CTNNA2: variants seen among roughly 807,000 people sequenced by gnomAD.
CTNNA2 encodes catenin alpha 2, also known as catenin alpha-2.
CTNNA2 carries 42 observed loss-of-function variants against 101.0 expected under a neutral mutation model. The ratio of observed to expected loss-of-function variants is 0.42; its 90% CI spans 0.32 to 0.54. The LOEUF (loss-of-function observed/expected upper bound fraction) is 0.54. Ranked by LOEUF, CTNNA2 falls within the 20% of genes least tolerant of loss-of-function variation. CTNNA2 has a pLI of 0.14. For missense variants in CTNNA2, 871 were observed against 1,223.1 expected (o/e 0.71, Z 4.29); for synonymous variants, 450 against 456.4 (o/e 0.99, Z 0.18).
chr2:80,357,767 T>G (rs1210234390), intron 7 of CTNNA2, among the ~76,000 whole-genome samples: 1 of 152,116 alleles, frequency 6.6e-6, no homozygotes, highest in African/African-American at 2.4e-5. Flanking sequence ...TTGGGCAAAT[T>G]TATAACCTAT....
At chr2:79,489,085 T>C (rs1208313116) in intron 4 of CTNNA2, among the ~76,000 whole-genome samples, 3 of 152,210 alleles carry the variant, frequency 2.0e-5, no homozygotes, top group African/African-American at 7.2e-5. Flanking sequence ...GTATTGCTCC[T>C]ACTGCTTCTA....
At chr2:79,769,485 A>G (rs1253421258) in intron 3 of CTNNA2, among the ~76,000 whole-genome samples, 2 of 152,222 alleles carry the variant, frequency 1.3e-5, no homozygotes, top group Non-Finnish European at 2.9e-5. Context: ...CACGTAGATT[A>G]CATCTCCAGA....
At chr2:79,701,192 C>T (rs1170760752) in intron 2 of CTNNA2, among the ~76,000 whole-genome samples, 3 of 152,092 alleles carry the variant, frequency 2.0e-5, no homozygotes, top group African/African-American at 7.2e-5. Context: ...TCTTATGAAA[C>T]AGTGCCACTT....
intron 7 of CTNNA2, among the ~76,000 whole-genome samples, chr2:80,115,462 G>A (rs1005819884): frequency 5.9e-5 from 9 of 152,204 alleles, no homozygotes; most frequent in South Asian, 2.1e-4. Context: ...GGCTCTCAAG[G>A]AGCTGATAAT....
At chr2:80,571,620 C>G (rs1207568050) in intron 12 of CTNNA2, among the ~76,000 whole-genome samples, 14 of 152,142 alleles carry the variant, frequency 9.2e-5, no homozygotes, top group Admixed American at 9.2e-4. Context: ...AAATTTTTCA[C>G]AAACGATGTT....
chr2:79,974,372 G>A (rs1206222711), intron 7 of CTNNA2, among the ~76,000 whole-genome samples: 1 of 152,114 alleles, frequency 6.6e-6, no homozygotes, highest in Non-Finnish European at 1.5e-5. Context: ...TAGCGAGAAG[G>A]TTCAACACGT....
chr2:79,313,962 C>T (rs1006607321), intron 3 of CTNNA2, among the ~76,000 whole-genome samples: 15 of 152,148 alleles, frequency 9.9e-5, no homozygotes, highest in African/African-American at 1.7e-4. Context: ...GCCTCTCTCA[C>T]ATGGGGACTG....
At chr2:79,267,561 A>G (rs1675002044) in intron 2 of CTNNA2, among the ~76,000 whole-genome samples, 1 of 152,192 alleles carries the variant, frequency 6.6e-6, no homozygotes, top group African/African-American at 2.4e-5. Context: ...CCAAACATTC[A>G]GACCATAGTA....
chr2:80,427,903 A>G (rs534504276), intron 9 of CTNNA2, among the ~76,000 whole-genome samples: 17 of 152,378 alleles, frequency 1.1e-4, no homozygotes, highest in Non-Finnish European at 2.2e-4. Flanking sequence ...CTCATGGGAC[A>G]TGCATTCTCT....
chr2:80,428,610 T>C (rs1207234200), intron 9 of CTNNA2, among the ~76,000 whole-genome samples: 1 of 152,214 alleles, frequency 6.6e-6, no homozygotes, highest in Non-Finnish European at 1.5e-5. Flanking sequence ...CCAGACTGTT[T>C]CTCAGTTGGC....
chr2:79,691,544 CA>C (rs1444447024), intron 2 of CTNNA2, among the ~76,000 whole-genome samples: 7 of 151,642 alleles, frequency 4.6e-5, no homozygotes, highest in Admixed American at 2.6e-4. Context: ...CATACGGAAC[CA>C]AAAAAGAGTC....
At chr2:80,237,429 A>G (rs1448335764) in intron 7 of CTNNA2, among the ~76,000 whole-genome samples, 1 of 152,134 alleles carries the variant, frequency 6.6e-6, no homozygotes. Flanking sequence ...GTGTATTAGG[A>G]TGTGTCTCAT....
At chr2:79,559,096 A>G (rs929528245) in intron 1 of CTNNA2, among the ~76,000 whole-genome samples, 7 of 151,916 alleles carry the variant, frequency 4.6e-5, no homozygotes, top group Admixed American at 4.6e-4. Context: ...CTGAATAATT[A>G]AGGTTGAACT....
At chr2:79,841,742 G>A (rs1179874817) in intron 3 of CTNNA2, among the ~76,000 whole-genome samples, 4 of 152,082 alleles carry the variant, frequency 2.6e-5, no homozygotes, top group Non-Finnish European at 5.9e-5. Flanking sequence ...AACATTAACT[G>A]GGACATAACA....
At chr2:80,141,385 A>G (rs1703001285) in intron 7 of CTNNA2, among the ~76,000 whole-genome samples, 1 of 152,076 alleles carries the variant, frequency 6.6e-6, no homozygotes, top group Non-Finnish European at 1.5e-5. Context: ...AACAGCAGTA[A>G]GGTTCAAAGG....
At chr2:79,906,689 T>C (rs911812494) in intron 6 of CTNNA2, among the ~76,000 whole-genome samples, 3 of 152,178 alleles carry the variant, frequency 2.0e-5, no homozygotes, top group African/African-American at 7.2e-5. Flanking sequence ...CTCAATTGGC[T>C]GACACTCCAA....
chr2:80,302,480 T>G lies in CTNNA2; in HGVS notation c.1057-90731T>G. 6.2e-7 allele frequency: 1 copy of G among 1,614,010 alleles called. No individual in the cohort carries two copies. The highest frequency in any genetic ancestry group is 8.5e-7 in the Non-Finnish European group (1 of 1,180,036). On this transcript the variant is annotated intron_variant, in intron 7 of 18. Coordinates refer to ENST00000402739, the MANE Select transcript of CTNNA2 (RefSeq NM_001282597.3). This position sits in a 1 kb window ranked among gnomAD's most constrained non-coding sequence, Gnocchi z 6.4. ...GGCTGGGAAACACTTCCAGGACACG[T>G]AGAGCACCAGGACCACGATGAGGAA... is the stretch of plus-strand genomic sequence containing the variant.
At chr2:79,441,970 A>G (rs1289748835) in intron 4 of CTNNA2, among the ~76,000 whole-genome samples, 2 of 152,116 alleles carry the variant, frequency 1.3e-5, no homozygotes, top group African/African-American at 4.8e-5. Flanking sequence ...TTTCTTTCCA[A>G]GTTCAGCCCA....
At chr2:79,462,577 T>C (rs911007769) in intron 4 of CTNNA2, among the ~76,000 whole-genome samples, 2 of 152,214 alleles carry the variant, frequency 1.3e-5, no homozygotes, top group Admixed American at 1.3e-4. Flanking sequence ...AAGCAACCTA[T>C]AAGCTATGTC....
Sources: gnomAD v4.1 joint callset for allele counts (sites outside exome capture counted in the v4.1 genomes callset) on GRCh38, gnomAD v4.1.1 for gene constraint, Gnocchi (gnomAD v3.1) non-coding constraint, MANE v1.5 for transcripts, NCBI Gene and HGNC (gene_info 2026-07-23, HGNC 2026-07-21) for gene names.